Variants in FGGY observed in about 807,000 individuals in gnomAD.
FGGY encodes FGGY carbohydrate kinase domain-containing protein.
A neutral mutation model predicts 71.3 loss-of-function variants in FGGY; 72 were observed. The ratio of observed to expected loss-of-function variants is 1.01; its 90% CI spans 0.84 to 1.23. The LOEUF (loss-of-function observed/expected upper bound fraction) is 1.23. Ranked by LOEUF, FGGY falls within the 50% of genes most tolerant of loss-of-function variation. FGGY has a pLI of 0.00. For synonymous variants in FGGY, 251 were observed against 250.3 expected, an observed-to-expected ratio of 1.00 and a Z score of -0.02; for missense variants, 668 against 682.3, an observed-to-expected ratio of 0.98 and a Z score of 0.23.
At chr1:59,406,914 C>T (rs1274720041) in intron 5 of FGGY, among the ~76,000 whole-genome samples, 1 of 152,174 alleles carries the variant, frequency 6.6e-6, no homozygotes, top group East Asian at 1.9e-4. Context: ...TTTAACTTAT[C>T]AATTGTGTTG....
At chr1:59,678,755 AC>A (rs1307808630) in intron 14 of FGGY, among the ~76,000 whole-genome samples, 1 of 151,074 alleles carries the variant, frequency 6.6e-6, no homozygotes, top group Non-Finnish European at 1.5e-5. Flanking sequence ...TTGAACCACC[AC>A]CCCCCACCCT....
At chr1:59,451,828 G>A (rs1002387920) in intron 5 of FGGY, among the ~76,000 whole-genome samples, 1 of 152,044 alleles carries the variant, frequency 6.6e-6, no homozygotes, top group African/African-American at 2.4e-5. Context: ...TTATTCTAGT[G>A]TCTTCTACAT....
chr1:59,372,603 T>C (rs7349104), intron 4 of FGGY, among the ~76,000 whole-genome samples: 3,082 of 152,050 alleles, frequency 0.02, 47 homozygotes, highest in Non-Finnish European at 0.031. Context: ...AGAGACACAA[T>C]TAAAAAAGAG....
At chr1:59,488,546 A>G (rs564032148) in intron 6 of FGGY, among the ~76,000 whole-genome samples, 82 of 148,236 alleles carry the variant, frequency 5.5e-4, no homozygotes, top group Non-Finnish European at 1.1e-3. Flanking sequence ...TATTATGTAT[A>G]TATTATATAT....
chr1:59,622,072 CTT>C (rs1289833575), intron 9 of FGGY, among the ~76,000 whole-genome samples: 1 of 151,856 alleles, frequency 6.6e-6, no homozygotes, highest in African/African-American at 2.4e-5. Context: ...CACGAGGACA[CTT>C]TTGTTGGTCA....
intron 14 of FGGY, among the ~76,000 whole-genome samples, chr1:59,725,399 G>C (rs2097934256): frequency 2.6e-5 from 4 of 152,118 alleles, no homozygotes; most frequent in Admixed American, 2.6e-4. Flanking sequence ...ATGAAGTTGG[G>C]TAGTGTCAGT....
intron 7 of FGGY, among the ~76,000 whole-genome samples, chr1:59,518,681 C>G (rs1200346456): frequency 6.6e-6 from 1 of 152,200 alleles, no homozygotes; most frequent in African/African-American, 2.4e-5. Context: ...CCCACTCTCT[C>G]TCTTGCTTCT....
chr1:59,631,047 A>G lies in FGGY; in HGVS notation c.1073+4998A>G, dbSNP rs146931495. Among the ~76,000 whole-genome samples, 17 of 152,264 alleles carry G rather than the reference A, an allele frequency of 1.1e-4. No individual in the cohort carries two copies. The East Asian group carries it at 2.5e-3, about 22-fold the overall frequency. On this transcript the variant is annotated intron_variant, in intron 10 of 15. Coordinates refer to ENST00000303721, the MANE Select transcript of FGGY (RefSeq NM_018291.5). Reference sequence around the variant, plus strand: ...CAGTGACCTCTATTTTGCTAAGTCCATAGGATGTTTTTTATTCCCCTTTCT... The same window carrying G: ...CAGTGACCTCTATTTTGCTAAGTCCGTAGGATGTTTTTTATTCCCCTTTCT...
chr1:59,400,748 T>A (rs1455301519), intron 5 of FGGY, among the ~76,000 whole-genome samples: 1 of 151,718 alleles, frequency 6.6e-6, no homozygotes, highest in East Asian at 1.9e-4. Context: ...TAAGTAGAAC[T>A]AAACCAAATA....
intron 8 of FGGY, among the ~76,000 whole-genome samples, chr1:59,556,139 T>A (rs1473369016): frequency 1.3e-5 from 2 of 152,218 alleles, no homozygotes; most frequent in East Asian, 3.8e-4. Flanking sequence ...GAGCCAGCCC[T>A]TCTTTCCCTT....
chr1:59,672,058 A>G (rs1292379503), intron 13 of FGGY, among the ~76,000 whole-genome samples: 1 of 152,168 alleles, frequency 6.6e-6, no homozygotes, highest in African/African-American at 2.4e-5. Context: ...AAAACGTCCC[A>G]GGTCCATAGA....
chr1:59,439,821 T>C (rs2069339694), intron 5 of FGGY, among the ~76,000 whole-genome samples: 1 of 152,204 alleles, frequency 6.6e-6, no homozygotes, highest in Non-Finnish European at 1.5e-5. Flanking sequence ...AACCATTGAA[T>C]ACTACTCTCT....
Position 59,558,823 on chromosome 1 carries a change from T to TA in FGGY, c.903+4596_903+4597insA, listed in dbSNP as rs34569146. ...ATAAGACAGACACTCCCAGAGTGGC[T>TA]TTTATAGACCTCCCCCCAGGAATGC... On this transcript the variant is annotated intron_variant, in intron 8 of 15. Transcript: ENST00000303721. Among the ~76,000 whole-genome samples the TA allele has an allele frequency of 1.0e-3, 158 of 151,864 alleles. 2 individuals carry two copies. The highest frequency in any genetic ancestry group is 3.6e-3 in the African/African-American group (151 of 41,414).
At position 59,325,692 on chromosome 1, in the gene FGGY, C is replaced by T. The variant is rs962292721; in HGVS notation, c.201+3942C>T. Among the ~76,000 whole-genome samples, 3 of 152,176 alleles carry T rather than the reference C, an allele frequency of 2.0e-5. No homozygotes were observed. The East Asian group carries it at 5.8e-4, about 29-fold the overall frequency. ...ATTAATGGCTGTTGAATGAATGTTA[C>T]TTAGAGCTAAAAACAAAGAGACAAA... On this transcript the variant is annotated intron_variant, in intron 2 of 15. Coordinates refer to ENST00000303721, the MANE Select transcript of FGGY (RefSeq NM_018291.5).
At chr1:59,366,876 C>T (rs540766177) in intron 4 of FGGY, among the ~76,000 whole-genome samples, 24 of 152,160 alleles carry the variant, frequency 1.6e-4, no homozygotes, top group African/African-American at 4.8e-4. Context: ...ATGGGAAAGT[C>T]AATTCAAGTA....
At position 59,672,353 on chromosome 1, in the gene FGGY, T is replaced by C. The variant is rs2097387579; in HGVS notation, c.1418-1686T>C. 2.0e-5 allele frequency among the ~76,000 whole-genome samples: 3 copies of C among 152,332 alleles called. No individual in the cohort carries two copies. In the South Asian group the frequency reaches 6.2e-4, roughly 32 times the overall value. ...GCTTACTGTAGGCCAGGAAATATGC[T>C]AAGCACCAAGTGTGTGCCCTCTCAT... On this transcript the variant is annotated intron_variant, in intron 13 of 15. Coordinates refer to ENST00000303721, the MANE Select transcript of FGGY (RefSeq NM_018291.5).
chr1:59,621,780 G>A (rs539498276), intron 9 of FGGY, among the ~76,000 whole-genome samples: 13 of 151,326 alleles, frequency 8.6e-5, no homozygotes, highest in East Asian at 3.9e-4. Flanking sequence ...CTTTTATTAC[G>A]GTATGGCGTG....
At chr1:59,711,125 G>A (rs912710047) in intron 14 of FGGY, among the ~76,000 whole-genome samples, 2 of 152,164 alleles carry the variant, frequency 1.3e-5, no homozygotes, top group African/African-American at 4.8e-5. Context: ...AAAAGAATGA[G>A]TTCATGTCCT....
At chr1:59,524,661 G>T (rs974935931) in intron 7 of FGGY, among the ~76,000 whole-genome samples, 1 of 152,214 alleles carries the variant, frequency 6.6e-6, no homozygotes, top group African/African-American at 2.4e-5. Flanking sequence ...CCTGCCTGCA[G>T]AAAGGAGCTA....
Sources: gnomAD v4.1 joint callset for allele counts (sites outside exome capture counted in the v4.1 genomes callset) on GRCh38, gnomAD v4.1.1 for gene constraint, MANE v1.5 for transcripts, NCBI Gene and HGNC (gene_info 2026-07-23, HGNC 2026-07-21) for gene names.